The following SLC9A9 variants were observed in gnomAD, a reference collection of about 807,000 sequenced individuals.
SLC9A9 encodes the protein sodium/hydrogen exchanger 9.
Under a neutral mutation model 77.8 loss-of-function variants are expected in SLC9A9, and 62 were observed. The observed-to-expected ratio is 0.80, with a 90% CI of 0.65 to 0.98. The LOEUF (loss-of-function observed/expected upper bound fraction) is 0.98, where lower values mean the gene tolerates loss of function less well. Ranked by LOEUF, SLC9A9 falls within the 50% of genes least tolerant of loss-of-function variation. The pLI is 0.00. For synonymous variants in SLC9A9, 320 were observed against 283.5 expected, an observed-to-expected ratio of 1.13 and a Z score of -1.29; for missense variants, 775 against 774.9, an observed-to-expected ratio of 1.00 and a Z score of 0.00.
chr3:143,387,640 C>A (rs2033459397), intron 12 of SLC9A9, among the ~76,000 whole-genome samples: 2 of 152,128 alleles, frequency 1.3e-5, no homozygotes, highest in Admixed American at 1.3e-4. Flanking sequence ...TCCTCATTTA[C>A]AATGAGCATC....
At chr3:143,508,531 TTTATG>T (rs1358271702) in intron 9 of SLC9A9, among the ~76,000 whole-genome samples, 1 of 152,206 alleles carries the variant, frequency 6.6e-6, no homozygotes, top group African/African-American at 2.4e-5. Flanking sequence ...GCTTACTTGT[TTTATG>T]TTATGTTATT....
chr3:143,665,107 T>A (rs1043042538), intron 5 of SLC9A9, among the ~76,000 whole-genome samples: 2 of 152,174 alleles, frequency 1.3e-5, no homozygotes, highest in Non-Finnish European at 2.9e-5. Context: ...TCAGCAAATG[T>A]AAAAGAACAG....
intron 12 of SLC9A9, among the ~76,000 whole-genome samples, chr3:143,419,043 T>C (rs575622026): frequency 6.6e-6 from 1 of 152,354 alleles, no homozygotes; most frequent in Admixed American, 6.5e-5. Context: ...TGATACTACA[T>C]GTGTAAATTA....
chr3:143,390,992 C>G (rs2033552149), intron 12 of SLC9A9, among the ~76,000 whole-genome samples: 1 of 152,216 alleles, frequency 6.6e-6, no homozygotes, highest in South Asian at 2.1e-4. Flanking sequence ...CTCAAGGAGG[C>G]CTGCCTGCCT....
intron 9 of SLC9A9, among the ~76,000 whole-genome samples, chr3:143,544,239 GT>G (rs1419439751): frequency 6.6e-6 from 1 of 151,674 alleles, no homozygotes; most frequent in Non-Finnish European, 1.5e-5. Context: ...TTTTCTTTTT[GT>G]TTTTGAGACG....
chr3:143,608,880 A>G (rs1203849108), intron 6 of SLC9A9, among the ~76,000 whole-genome samples: 1 of 152,210 alleles, frequency 6.6e-6, no homozygotes, highest in Non-Finnish European at 1.5e-5. Context: ...AGAGTTCTAA[A>G]GTAATATCAA....
intron 13 of SLC9A9, 147 bp from the exon 14 acceptor site, chr3:143,363,710 T>C: frequency 3.0e-6 from 2 of 662,354 alleles, no homozygotes; most frequent in East Asian, 3.1e-5. Flanking sequence ...TGAAGCAGTT[T>C]CCAGGCAAAT....
chr3:143,842,249 T>C (rs112193504), intron 1 of SLC9A9, among the ~76,000 whole-genome samples: 2,557 of 152,112 alleles, frequency 0.017, 73 homozygotes, highest in African/African-American at 0.058. Flanking sequence ...GGCGTGGTGG[T>C]GGGCGCCTGT....
intron 12 of SLC9A9, among the ~76,000 whole-genome samples, chr3:143,396,881 T>C (rs1206720208): frequency 6.6e-6 from 1 of 152,174 alleles, no homozygotes; most frequent in Non-Finnish European, 1.5e-5. Flanking sequence ...AGAGATAAAA[T>C]GTGTGGCTGG....
Position 143,685,570 on chromosome 3 carries a change from C to G in SLC9A9, c.649+7622G>C, listed in dbSNP as rs1933238473. ...AGCTGCATCATGTAAAATGAAGATA[C>G]TCTAATCCAAATAGGAAACAGGGAA... On this transcript the variant is annotated intron_variant, in intron 5 of 15. Transcript: ENST00000316549. Among the ~76,000 whole-genome samples the G allele has an allele frequency of 2.6e-5, 4 of 152,072 alleles. No individual in the cohort carries two copies. The South Asian group carries it at 8.3e-4, about 32-fold the overall frequency.
At chr3:143,592,759 C>T (rs2037673346) in intron 6 of SLC9A9, among the ~76,000 whole-genome samples, 2 of 152,100 alleles carry the variant, frequency 1.3e-5, no homozygotes, top group African/African-American at 4.8e-5. Flanking sequence ...GGTCATCTGG[C>T]CCGGACTCAC....
At position 143,265,404 on chromosome 3, in the gene SLC9A9, A is replaced by G. The variant is rs16853287; in HGVS notation, c.*1298T>C. 7,975 of 153,674 alleles carry G rather than the reference A, an allele frequency of 0.052. 245 individuals carry two copies. Among genetic ancestry groups the G allele is most frequent in the Middle Eastern group, 0.081 (24 of 296 alleles). 9.5% of individuals were successfully genotyped at this position (153,674 alleles called of 1,614,324 possible). A position where few individuals can be genotyped will look rare whatever the true frequency, so the allele number is the denominator to read the frequency against. On this transcript the variant is annotated 3_prime_UTR_variant, in exon 16 of 16. Coordinates refer to ENST00000316549, the MANE Select transcript of SLC9A9 (RefSeq NM_173653.4). ...ACATAGCAGTGTGCCTGATACCACC[A>G]CAGTGAATGTTGTTTAAGGCCTAAC...
At chr3:143,829,868 C>T (rs2009390298) in intron 2 of SLC9A9, among the ~76,000 whole-genome samples, 1 of 152,154 alleles carries the variant, frequency 6.6e-6, no homozygotes, top group African/African-American at 2.4e-5. Flanking sequence ...CACATCATCT[C>T]ATTTGAACAT....
intron 6 of SLC9A9, among the ~76,000 whole-genome samples, chr3:143,622,589 C>T (rs1337833475): frequency 6.6e-6 from 1 of 152,112 alleles, no homozygotes; most frequent in East Asian, 1.9e-4. Context: ...ACCACCAGGC[C>T]TGCCCTAAAA....
chr3:143,573,807 C>T (rs1322011486), intron 8 of SLC9A9, among the ~76,000 whole-genome samples: 1 of 152,160 alleles, frequency 6.6e-6, no homozygotes, highest in Admixed American at 6.5e-5. Context: ...AATCATCCAT[C>T]ACACTATAAA....
intron 8 of SLC9A9, among the ~76,000 whole-genome samples, chr3:143,573,669 G>A: frequency 6.6e-6 from 1 of 151,326 alleles, no homozygotes; most frequent in South Asian, 2.1e-4. Flanking sequence ...CGTGTATGGA[G>A]ATGTACCTAC....
intron 12 of SLC9A9, among the ~76,000 whole-genome samples, chr3:143,432,730 C>G (rs560261153): frequency 6.6e-6 from 1 of 152,150 alleles, no homozygotes; most frequent in Non-Finnish European, 1.5e-5. Flanking sequence ...CAGGTTCAAG[C>G]GATTCTCCTG....
intron 6 of SLC9A9, among the ~76,000 whole-genome samples, chr3:143,615,981 T>C (rs974593940): frequency 1.3e-5 from 2 of 151,754 alleles, no homozygotes; most frequent in African/African-American, 2.4e-5. Context: ...CCTGGGTTCA[T>C]GCCATTCTCC....
intron 4 of SLC9A9, among the ~76,000 whole-genome samples, chr3:143,790,400 C>G (rs1029135911): frequency 6.6e-6 from 1 of 152,198 alleles, no homozygotes; most frequent in African/African-American, 2.4e-5. Flanking sequence ...ATTATATTCA[C>G]AGCCAATTCT....
Sources: gnomAD v4.1 joint callset for allele counts (sites outside exome capture counted in the v4.1 genomes callset) on GRCh38, gnomAD v4.1.1 for gene constraint, MANE v1.5 for transcripts, NCBI Gene and HGNC (gene_info 2026-07-23, HGNC 2026-07-21) for gene names.